Variants in TNFAIP8L3 observed in about 807,000 individuals in gnomAD.
TNFAIP8L3 encodes tumor necrosis factor alpha-induced protein 8-like protein 3.
In TNFAIP8L3, 7 loss-of-function variants were observed where a neutral mutation model predicts 11.8. The ratio of observed to expected loss-of-function variants is 0.59; its 90% CI spans 0.34 to 1.11. The LOEUF (loss-of-function observed/expected upper bound fraction) is 1.11. TNFAIP8L3 is among the 50% of genes most tolerant of loss of function. The probability of loss-of-function intolerance (pLI) is 0.03; values close to 1 mark genes in which losing one functional copy is unlikely to be tolerated. For synonymous variants in TNFAIP8L3, 98 were observed against 103.8 expected (o/e 0.94, Z 0.34); for missense variants, 219 against 258.6 (o/e 0.85, Z 1.05).
At chr15:51,058,573 T>C in intron 1 of TNFAIP8L3, 130 bp from the exon 2 acceptor site, 1 of 843,592 alleles carries the variant, frequency 1.2e-6, no homozygotes, top group Non-Finnish European at 1.8e-6. Context: ...ATTCCCTCGC[T>C]CCCTAACTAA....
chr15:51,073,029 T>C (rs1423093739), intron 1 of TNFAIP8L3, among the ~76,000 whole-genome samples: 1 of 146,080 alleles, frequency 6.8e-6, no homozygotes. Flanking sequence ...AGAGTTTTGC[T>C]CTTGTTGCCC....
At chr15:51,060,618 A>G (rs2065236776) in intron 1 of TNFAIP8L3, among the ~76,000 whole-genome samples, 1 of 152,152 alleles carries the variant, frequency 6.6e-6, no homozygotes, top group Non-Finnish European at 1.5e-5. Context: ...ATTACCCCCA[A>G]TGCCTGGCAC....
chr15:51,090,765 G>A (rs1469619578), intron 1 of TNFAIP8L3, among the ~76,000 whole-genome samples: 1 of 152,046 alleles, frequency 6.6e-6, no homozygotes. Flanking sequence ...TTCTCTTGTG[G>A]TTCCCCTACC....
intron 1 of TNFAIP8L3, among the ~76,000 whole-genome samples, chr15:51,082,731 A>AT (rs927838097): frequency 6.6e-6 from 1 of 151,992 alleles, no homozygotes; most frequent in African/African-American, 2.4e-5. Flanking sequence ...TTTTCTATTA[A>AT]TTTTTTTCTT....
intron 1 of TNFAIP8L3, among the ~76,000 whole-genome samples, chr15:51,104,110 A>G (rs1285842279): frequency 6.6e-6 from 1 of 152,150 alleles, no homozygotes; most frequent in African/African-American, 2.4e-5. Context: ...CCAGGCTCAT[A>G]GTCTCCAAAT....
At chr15:51,103,872 A>G (rs1325153322) in intron 1 of TNFAIP8L3, among the ~76,000 whole-genome samples, 3 of 152,342 alleles carry the variant, frequency 2.0e-5, no homozygotes, top group African/African-American at 7.2e-5. Context: ...CATGTGGGAC[A>G]TGTGCCTACT....
intron 1 of TNFAIP8L3, among the ~76,000 whole-genome samples, chr15:51,074,278 C>T (rs2065333722): frequency 6.6e-6 from 1 of 152,242 alleles, no homozygotes; most frequent in Non-Finnish European, 1.5e-5. Context: ...TTTCACTCGA[C>T]ATTCTGAGGA....
chr15:51,101,972 A>G lies in TNFAIP8L3; in HGVS notation c.172+3033T>C, dbSNP rs140323996. 2.7e-3 allele frequency among the ~76,000 whole-genome samples: 410 copies of G among 151,930 alleles called. 1 individual carries two copies. The highest frequency in any genetic ancestry group is 9.4e-3 in the African/African-American group (389 of 41,440). On this transcript the variant is annotated intron_variant, in intron 1 of 2. Transcript: ENST00000327536. ...AAAAAAAAAAAAAAAAAAGAAAAGA[A>G]AAAGAAAAGAAAATAAGTAAAATAT...
intron 1 of TNFAIP8L3, among the ~76,000 whole-genome samples, chr15:51,058,759 C>T (rs1052410242): frequency 6.6e-6 from 1 of 152,230 alleles, no homozygotes; most frequent in African/African-American, 2.4e-5. Context: ...CCTGATTCTA[C>T]TAGCTCACAG....
In TNFAIP8L3 at chr15:51,072,989, C is replaced by CTTTTTTTTTTTTTTTTT. The variant is rs2065321403; in HGVS notation, c.53-14547_53-14546insAAAAAAAAAAAAAAAAA. Reference sequence around the variant, plus strand: ...ATGTTGATCTGAAGTAAACTGGGATCCTTTTTTTTTTTTTTTTTTTTTTTG... The same window carrying CTTTTTTTTTTTTTTTTT: ...ATGTTGATCTGAAGTAAACTGGGATCTTTTTTTTTTTTTTTTTCTTTTTTTTTTTTTTTTTTTTTTTG... On this transcript the variant is annotated intron_variant, in intron 1 of 1. Coordinates refer to ENST00000637513, the MANE Select transcript of TNFAIP8L3 (RefSeq NM_001311175.2). 1.3e-4 allele frequency among the ~76,000 whole-genome samples: 6 copies of CTTTTTTTTTTTTTTTTT among 45,752 alleles called. 3 individuals are homozygous for CTTTTTTTTTTTTTTTTT. Among genetic ancestry groups the CTTTTTTTTTTTTTTTTT allele is most frequent in the Non-Finnish European group, 7.7e-5 (2 of 26,018 alleles). The allele number at this position is 45,752 out of a possible 152,430, so 30.0% of individuals were successfully genotyped here. A position where few individuals can be genotyped will look rare whatever the true frequency, so the allele number is the denominator to read the frequency against.
chr15:51,076,760 C>T (rs1051009586), intron 1 of TNFAIP8L3, among the ~76,000 whole-genome samples: 3 of 152,266 alleles, frequency 2.0e-5, no homozygotes, highest in East Asian at 1.9e-4. Context: ...CCCCTGCCAC[C>T]CCCAGCGCAC....
In TNFAIP8L3 at chr15:51,071,050, CAAAA is replaced by C. The variant is rs55991711; in HGVS notation, c.53-12611_53-12608del. 1.3e-4 allele frequency among the ~76,000 whole-genome samples: 4 copies of C among 31,814 alleles called. No individual in the cohort carries two copies. The East Asian group carries it at 4.7e-3, about 38-fold the overall frequency. 20.9% of individuals were successfully genotyped at this position (31,814 alleles called of 152,430 possible). ...TGGGCGACAGAGCGAGACTCCGTCT[CAAAA>C]AAAAAAAAAAAAAAAAAAAGAATTA... is the stretch of plus-strand genomic sequence containing the variant. On this transcript the variant is annotated intron_variant, in intron 1 of 1. Coordinates refer to ENST00000637513, the MANE Select transcript of TNFAIP8L3 (RefSeq NM_001311175.2).
intron 1 of TNFAIP8L3, among the ~76,000 whole-genome samples, chr15:51,065,622 A>G (rs2065265711): frequency 6.6e-6 from 1 of 152,198 alleles, no homozygotes; most frequent in African/African-American, 2.4e-5. Context: ...CAGCCCAGAA[A>G]AGGGCCTCTG....
At chr15:51,090,336 T>A (rs1374665773) in intron 1 of TNFAIP8L3, among the ~76,000 whole-genome samples, 1 of 152,210 alleles carries the variant, frequency 6.6e-6, no homozygotes, top group African/African-American at 2.4e-5. Flanking sequence ...TTCTCTGATG[T>A]TGTGGCCATA....
At chr15:51,063,061 G>A (rs919669054) in intron 1 of TNFAIP8L3, among the ~76,000 whole-genome samples, 2 of 152,128 alleles carry the variant, frequency 1.3e-5, no homozygotes, top group African/African-American at 2.4e-5. Context: ...GGAGGGGATC[G>A]TTCCCTGGAG....
At chr15:51,103,004 T>C (rs2065565087) in intron 1 of TNFAIP8L3, among the ~76,000 whole-genome samples, 2 of 152,142 alleles carry the variant, frequency 1.3e-5, no homozygotes, top group Admixed American at 6.5e-5. Context: ...CCCCTTCTCT[T>C]CCCTCAGCTT....
intron 1 of TNFAIP8L3, among the ~76,000 whole-genome samples, chr15:51,060,798 G>A (rs1370059115): frequency 6.6e-6 from 1 of 152,120 alleles, no homozygotes; most frequent in Non-Finnish European, 1.5e-5. Context: ...TTCTGCTCTG[G>A]ACCAGTTGTC....
chr15:51,067,229 A>G (rs546367106), intron 1 of TNFAIP8L3, among the ~76,000 whole-genome samples: 1 of 152,346 alleles, frequency 6.6e-6, no homozygotes, highest in Admixed American at 6.5e-5. Context: ...TGGATTTTTC[A>G]GACTCAGGGT....
chr15:51,092,197 C>T (rs1218557734), intron 1 of TNFAIP8L3, among the ~76,000 whole-genome samples: 1 of 152,212 alleles, frequency 6.6e-6, no homozygotes, highest in African/African-American at 2.4e-5. Flanking sequence ...TATGTCTCAA[C>T]TCCCTGTGAG....
Sources: allele counts gnomAD v4.1 joint callset (sites outside exome capture counted in the v4.1 genomes callset), GRCh38; gene constraint gnomAD v4.1.1; transcripts MANE v1.5; gene names NCBI Gene and HGNC (gene_info 2026-07-23, HGNC 2026-07-21).